Variants in PLEKHH2 observed in about 807,000 individuals in gnomAD.
PLEKHH2 encodes pleckstrin homology, MyTH4 and FERM domain containing H2, also known as pleckstrin homology domain-containing family H member 2.
A neutral mutation model predicts 187.9 loss-of-function variants in PLEKHH2; 129 were observed. The ratio of observed to expected loss-of-function variants is 0.69; its 90% confidence interval spans 0.59 to 0.79. The LOEUF (loss-of-function observed/expected upper bound fraction) is 0.79, where lower values mean the gene tolerates loss of function less well. Among genes scored for constraint, PLEKHH2 ranks in the 30% least tolerant of loss-of-function variants. The pLI is 0.00. For synonymous variants in PLEKHH2, 686 were observed against 605.6 expected, an observed-to-expected ratio of 1.13 and a Z score of -1.95; for missense variants, 2,076 against 1,751.2, an observed-to-expected ratio of 1.19 and a Z score of -3.31.
chr2:43,660,846 C>T (rs1667036639), intron 2 of PLEKHH2, among the ~76,000 whole-genome samples: 1 of 56,414 alleles, frequency 1.8e-5, no homozygotes, highest in African/African-American at 7.5e-5. Context: ...ATATGTGCCA[C>T]ATTTTCTTAA....
chr2:43,646,810 TTTC>T (rs1315391149), intron 2 of PLEKHH2, among the ~76,000 whole-genome samples: 20 of 151,598 alleles, frequency 1.3e-4, no homozygotes, highest in East Asian at 3.9e-4. Flanking sequence ...TTTCTTTAAT[TTTC>T]TTCTTCTTTT....
intron 18 of PLEKHH2, 133 bp downstream of exon 18, chr2:43,729,878 A>T: frequency 1.9e-6 from 1 of 520,860 alleles, no homozygotes; most frequent in Non-Finnish European, 3.3e-6. Context: ...GCCTTTGCTC[A>T]TCATGGGAGA....
rs562500895 is a variant in PLEKHH2, at chr2:43,718,939, C to T, written c.2461-1730C>T. 3.1e-4 allele frequency among the ~76,000 whole-genome samples: 47 copies of T among 152,240 alleles called. No homozygotes were observed. In the South Asian group the frequency reaches 9.3e-3, roughly 30 times the overall value. On this transcript the variant is annotated intron_variant, in intron 15 of 29. Transcript: ENST00000282406. ...GGTGGAGTTACTCATTTGCTTAAAC[C>T]ACAGCTTTGAAAGCCCAAAGGCTGA...
rs765771354 is a variant in PLEKHH2, at chr2:43,699,910, A to G, written c.952A>G (p.Ser318Gly). 1 of 1,614,192 alleles carries G rather than the reference A, an allele frequency of 6.2e-7. No individual in the cohort carries two copies. The highest frequency in any genetic ancestry group is 2.2e-5 in the East Asian group (1 of 44,890). Residue 318 changes from serine (S) to glycine (G), a missense_variant, in exon 8 of 30, where the codon AGC becomes GGC. Ser to Gly is a moderately conservative substitution (Grantham distance 56). Transcript: ENST00000282406. ...CACATCTGAGGAAGGGGTCCAGTGT[A>G]GCAGGATGGGAAGTGAAATGTATCT... ...SHTSEEGVQC[S>G]RMGSEMYLTA...
At chr2:43,688,098 G>A (rs1173655372) in intron 3 of PLEKHH2, among the ~76,000 whole-genome samples, 2 of 152,154 alleles carry the variant, frequency 1.3e-5, no homozygotes, top group Non-Finnish European at 2.9e-5. Flanking sequence ...ACCACACCCA[G>A]CCTGTGTTTT....
chr2:43,757,287 T>C, intron 26 of PLEKHH2, 23 bp downstream of exon 26: 1 of 1,518,124 alleles, frequency 6.6e-7, no homozygotes. Context: ...TTGTAACTCT[T>C]TATAGGGTAG....
At chr2:43,673,122 C>A (rs1667568186) in intron 2 of PLEKHH2, among the ~76,000 whole-genome samples, 1 of 151,642 alleles carries the variant, frequency 6.6e-6, no homozygotes, top group Non-Finnish European at 1.5e-5. Context: ...TATAATGGAC[C>A]CTCCTGTACA....
chr2:43,728,855 C>A, intron 17 of PLEKHH2, among the ~76,000 whole-genome samples: 1 of 152,066 alleles, frequency 6.6e-6, no homozygotes, highest in East Asian at 1.9e-4. Flanking sequence ...AGCCACCGTG[C>A]CCGGCCTACA....
chr2:43,660,563 C>T (rs1574493550), intron 2 of PLEKHH2, among the ~76,000 whole-genome samples: 1 of 146,162 alleles, frequency 6.8e-6, no homozygotes, highest in East Asian at 2.0e-4. Flanking sequence ...TGGTGCGCTG[C>T]ACCCACTAAC....
chr2:43,743,992 G>A lies in PLEKHH2; in HGVS notation c.3555+3G>A. On this transcript the variant is annotated splice_donor_region_variant and intron_variant, in intron 23 of 29. Coordinates refer to ENST00000282406, the MANE Select transcript of PLEKHH2 (RefSeq NM_172069.4). ...ATTGTCTTCAAGGAAACATCAAGGT[G>A]AAACCAAGTCCTTTTCAGGAGCCAA... 6.2e-7 allele frequency: 1 copy of A among 1,611,506 alleles called. No individual in the cohort carries two copies. The highest frequency in any genetic ancestry group is 8.5e-7 in the Non-Finnish European group (1 of 1,178,254).
In PLEKHH2 at chr2:43,767,353, G is replaced by A. The variant is rs1672656564; in HGVS notation, c.*1755G>A. 6.6e-6 allele frequency: 1 copy of A among 152,264 alleles called. No homozygotes were observed. Among genetic ancestry groups the A allele is most frequent in the Non-Finnish European group, 1.5e-5 (1 of 68,022 alleles). 9.4% of individuals were successfully genotyped at this position (152,264 alleles called of 1,614,324 possible). A position where few individuals can be genotyped will look rare whatever the true frequency, so the allele number is the denominator to read the frequency against. On this transcript the variant is annotated 3_prime_UTR_variant, in exon 30 of 30. Coordinates refer to ENST00000282406, the MANE Select transcript of PLEKHH2 (RefSeq NM_172069.4). ...TGTATTAGCATCCTTAGAAGGGACA[G>A]AACTAAGAAATACATTGCTCAAATA...
intron 3 of PLEKHH2, among the ~76,000 whole-genome samples, chr2:43,683,434 C>T (rs142068363): frequency 2.2e-4 from 33 of 151,942 alleles, no homozygotes; most frequent in African/African-American, 6.0e-4. Flanking sequence ...CCACCTCGCC[C>T]GGCCCTCTTT....
At chr2:43,711,359 AATC>A in intron 14 of PLEKHH2, 1 of 985,406 alleles carries the variant, frequency 1.0e-6, no homozygotes, top group Non-Finnish European at 1.2e-6. Context: ...GGCAGTTAAG[AATC>A]ATTTGTAAGT....
At chr2:43,639,528 C>CT (rs1703269457) in intron 1 of PLEKHH2, among the ~76,000 whole-genome samples, 1 of 152,178 alleles carries the variant, frequency 6.6e-6, no homozygotes, top group East Asian at 1.9e-4. Flanking sequence ...AATATGTGGC[C>CT]TTTTGTGTCT....
At chr2:43,704,918 T>A (rs1004593347) in intron 9 of PLEKHH2, among the ~76,000 whole-genome samples, 1 of 152,100 alleles carries the variant, frequency 6.6e-6, no homozygotes, top group Non-Finnish European at 1.5e-5. Context: ...TGATGTATAT[T>A]TTTTTACCTG....
At chr2:43,660,474 T>TA (rs1558436503) in intron 2 of PLEKHH2, among the ~76,000 whole-genome samples, 4 of 146,638 alleles carry the variant, frequency 2.7e-5, no homozygotes, top group African/African-American at 8.2e-5. Context: ...GGAATTTATT[T>TA]TTTTTTTTTT....
intron 11 of PLEKHH2, 115 bp from the exon 12 acceptor site, chr2:43,709,875 A>G (rs1669865541): frequency 2.8e-6 from 3 of 1,063,084 alleles, no homozygotes; most frequent in African/African-American, 1.6e-5. Context: ...GAATAAATCT[A>G]GTCTAGGGAG....
At chr2:43,660,283 T>G (rs1022794726) in intron 2 of PLEKHH2, among the ~76,000 whole-genome samples, 1 of 152,178 alleles carries the variant, frequency 6.6e-6, no homozygotes, top group Non-Finnish European at 1.5e-5. Flanking sequence ...CATTCACTAG[T>G]TGATGGTCAT....
intron 19 of PLEKHH2, 114 bp from the exon 20 acceptor site, chr2:43,738,227 T>C (rs1671389650): frequency 1.2e-6 from 1 of 857,378 alleles, no homozygotes; most frequent in Non-Finnish European, 1.7e-6. Context: ...TCATAATATA[T>C]CCTTTTCCAT....
Sources: allele counts gnomAD v4.1 joint callset (sites outside exome capture counted in the v4.1 genomes callset), GRCh38; gene constraint gnomAD v4.1.1; transcripts MANE v1.5; gene names NCBI Gene and HGNC (gene_info 2026-07-23, HGNC 2026-07-21).